The following ADCY9 variants were observed in gnomAD, a reference collection of about 807,000 sequenced individuals.
The protein encoded by ADCY9 is adenylate cyclase 9.
ADCY9 carries 50 observed loss-of-function variants against 101.5 expected under a neutral mutation model. The observed-to-expected ratio is 0.49, with a 90% CI of 0.39 to 0.62. The LOEUF is 0.62. Among genes scored for constraint, ADCY9 ranks in the 20% least tolerant of loss-of-function variants. The pLI is 0.00. For missense variants in ADCY9, 1,662 were observed against 1,800.4 expected (o/e 0.92, Z 1.39); for synonymous variants, 905 against 769.3 (o/e 1.18, Z -2.92).
intron 3 of ADCY9, among the ~76,000 whole-genome samples, chr16:3,998,638 G>C (rs1054235848): frequency 6.8e-6 from 1 of 147,604 alleles, no homozygotes. Flanking sequence ...GAACCCGGGA[G>C]GTGGAGGTTC....
intron 10 of ADCY9, among the ~76,000 whole-genome samples, chr16:3,971,230 G>A (rs1209743946): frequency 6.6e-6 from 1 of 152,034 alleles, no homozygotes; most frequent in Non-Finnish European, 1.5e-5. Context: ...ACTGCTGGAG[G>A]AATTAAGCCC....
intron 2 of ADCY9, among the ~76,000 whole-genome samples, chr16:4,108,580 G>A (rs1325072278): frequency 6.6e-6 from 1 of 151,706 alleles, no homozygotes; most frequent in African/African-American, 2.4e-5. Context: ...CACCATGTTG[G>A]TCAGGCTGGT....
chr16:3,989,385 T>A (rs1365993273), intron 5 of ADCY9, among the ~76,000 whole-genome samples: 1 of 152,054 alleles, frequency 6.6e-6, no homozygotes, highest in African/African-American at 2.4e-5. Context: ...TTTGGGGTTT[T>A]TTTTTTTTGA....
chr16:3,979,349 C>A, intron 7 of ADCY9, 74 bp from the exon 8 acceptor site: 1 of 1,544,782 alleles, frequency 6.5e-7, no homozygotes, highest in East Asian at 2.3e-5. Flanking sequence ...AGGTGCGAGG[C>A]CGCAGCCAGC....
chr16:4,001,603 C>T (rs1258525976), intron 3 of ADCY9, among the ~76,000 whole-genome samples: 4 of 152,122 alleles, frequency 2.6e-5, no homozygotes, highest in African/African-American at 9.7e-5. Flanking sequence ...GGCTAGAGTG[C>T]AATGGTGCAA....
intron 2 of ADCY9, among the ~76,000 whole-genome samples, chr16:4,012,293 A>T (rs1000037244): frequency 3.3e-5 from 5 of 152,198 alleles, no homozygotes; most frequent in South Asian, 2.1e-4. Context: ...CTGACAGGTA[A>T]GGCAGAGCCC....
intron 2 of ADCY9, among the ~76,000 whole-genome samples, chr16:4,051,009 T>C (rs2056697653): frequency 6.6e-6 from 1 of 151,240 alleles, no homozygotes; most frequent in Admixed American, 6.6e-5. Context: ...GGTTACAAGT[T>C]GGAGATCAGC....
intron 6 of ADCY9, among the ~76,000 whole-genome samples, chr16:3,984,719 CT>C (rs911702765): frequency 4.6e-5 from 7 of 152,360 alleles, no homozygotes; most frequent in Admixed American, 1.3e-4. Context: ...AGTTCAGCTG[CT>C]TTCCATTTGG....
intron 3 of ADCY9, among the ~76,000 whole-genome samples, 174 bp from the exon 4 acceptor site, chr16:3,993,684 AAC>A (rs1393103024): frequency 6.6e-6 from 1 of 152,176 alleles, no homozygotes; most frequent in Non-Finnish European, 1.5e-5. Context: ...TGACAGTGGA[AAC>A]ACACAGAAAC....
intron 3 of ADCY9, among the ~76,000 whole-genome samples, chr16:3,997,084 C>T (rs1006964648): frequency 3.3e-5 from 5 of 152,170 alleles, no homozygotes; most frequent in African/African-American, 1.2e-4. Flanking sequence ...AGGCTGGTCT[C>T]GAACTCCTGG....
rs1567414929 is a variant in ADCY9 at position 3,969,614 on chromosome 16, T to TGTA, written c.2871-2649_2871-2648insTAC. On this transcript the variant is annotated intron_variant, in intron 10 of 10. Coordinates refer to ENST00000294016, the MANE Select transcript of ADCY9 (RefSeq NM_001116.4). ...TATATATATATATATATATATGTAT[T>TGTA]TTTTTTTTTTTTTAAGAAGAGACAG... Among the ~76,000 whole-genome samples, 92 of 50,612 alleles carry TGTA rather than the reference T, an allele frequency of 1.8e-3. 1 individual carries two copies. Among genetic ancestry groups the TGTA allele is most frequent in the Non-Finnish European group, 2.3e-3 (62 of 26,390 alleles). 33.2% of individuals were successfully genotyped at this position (50,612 alleles called of 152,430 possible).
Position 4,114,954 on chromosome 16 carries a change from G to C in ADCY9, c.489C>G (p.Thr163=), listed in dbSNP as rs3730099. The change falls in exon 2 of 11, where the codon ACC becomes ACG. Residue 163 remains threonine (T), a synonymous_variant. Coordinates refer to ENST00000294016, the MANE Select transcript of ADCY9 (RefSeq NM_001116.4). This position sits in a 1 kb window ranked among gnomAD's most constrained non-coding sequence, Gnocchi z 4.3. ...LLVCVGFFLF[T]FTKLYARHYA... is the part of the protein sequence containing the mutation. ...AATGCCGGGCGTACAGCTTGGTGAA[G>C]GTAAACAGAAAGAAGCCCACACACA... is the stretch of plus-strand genomic sequence containing the variant. 10 of 1,613,886 alleles carry C rather than the reference G, an allele frequency of 6.2e-6. No individual in the cohort carries two copies. The highest frequency in any genetic ancestry group is 1.7e-5 in the Admixed American group (1 of 60,006).
chr16:3,958,203 C>T (rs2055918071), downstream of ADCY9, among the ~76,000 whole-genome samples: 1 of 152,066 alleles, frequency 6.6e-6, no homozygotes, highest in Non-Finnish European at 1.5e-5. Context: ...GCTCTGGGAC[C>T]CTCCCGCCAG....
chr16:4,038,466 C>G (rs979532319), intron 2 of ADCY9, among the ~76,000 whole-genome samples: 1 of 152,118 alleles, frequency 6.6e-6, no homozygotes, highest in Admixed American at 6.5e-5. Context: ...GCACCAGACA[C>G]CCAATGCCAA....
chr16:3,998,219 T>C (rs563016672), intron 3 of ADCY9, among the ~76,000 whole-genome samples: 6 of 151,992 alleles, frequency 3.9e-5, no homozygotes, highest in Admixed American at 2.6e-4. Flanking sequence ...GGGCAATGTA[T>C]CAAGACCCCA....
chr16:4,100,534 T>C (rs2057035932), intron 2 of ADCY9, among the ~76,000 whole-genome samples: 2 of 151,826 alleles, frequency 1.3e-5, no homozygotes, highest in Non-Finnish European at 2.9e-5. Context: ...TTTTGCCATG[T>C]CGGACAGGCT....
chr16:4,066,298 T>C (rs1487461431), intron 2 of ADCY9, among the ~76,000 whole-genome samples: 1 of 152,242 alleles, frequency 6.6e-6, no homozygotes, highest in Non-Finnish European at 1.5e-5. Flanking sequence ...ATTTTTCTCA[T>C]TTTGATATGC....
intron 7 of ADCY9, among the ~76,000 whole-genome samples, chr16:3,981,280 T>C (rs2056140224): frequency 6.6e-6 from 1 of 152,196 alleles, no homozygotes; most frequent in African/African-American, 2.4e-5. Context: ...CCCTCAATGC[T>C]TTAGAATTGG....
In ADCY9 at chr16:3,974,729, A is replaced by C. The variant is rs2141680027; in HGVS notation, c.2829-19T>G. 6.2e-7 allele frequency: 1 copy of C among 1,606,588 alleles called. No individual in the cohort carries two copies. Among genetic ancestry groups the C allele is most frequent in the African/African-American group, 1.3e-5 (1 of 74,874 alleles). On this transcript the variant is annotated intron_variant, in intron 9 of 10. Coordinates refer to ENST00000294016, the MANE Select transcript of ADCY9 (RefSeq NM_001116.4). ...TACAGAACTGAAATTAAAATGCAGA[A>C]AAATATTATCATAAAGAGCAAAGAA...
Sources: allele counts gnomAD v4.1 joint callset (sites outside exome capture counted in the v4.1 genomes callset), GRCh38; gene constraint gnomAD v4.1.1; non-coding constraint Gnocchi (gnomAD v3.1); transcripts MANE v1.5; gene names NCBI Gene and HGNC (gene_info 2026-07-23, HGNC 2026-07-21).